The following AOPEP variants were observed in gnomAD, a reference collection of about 807,000 sequenced individuals.
The protein encoded by AOPEP is aminopeptidase O (putative).
AOPEP carries 77 observed loss-of-function variants against 98.1 expected under a neutral mutation model. That is an observed-to-expected ratio of 0.78 (90% confidence interval 0.65 to 0.95). The LOEUF (loss-of-function observed/expected upper bound fraction) is 0.95. AOPEP is among the 40% of genes least tolerant of loss of function. AOPEP has a pLI of 0.00. For synonymous variants in AOPEP, 346 were observed against 365.3 expected, an observed-to-expected ratio of 0.95 and a Z score of 0.60; for missense variants, 1,024 against 1,024.7, an observed-to-expected ratio of 1.00 and a Z score of 0.01.
chr9:95,126,625 C>T, the AOPEP span: 4 of 1,599,264 alleles, frequency 2.5e-6, no homozygotes, highest in South Asian at 1.1e-5. Flanking sequence ...ATCACAAGCA[C>T]TTTCTCAGAA....
intron 13 of AOPEP, among the ~76,000 whole-genome samples, chr9:95,037,110 G>T (rs2064899429): frequency 6.6e-6 from 1 of 152,056 alleles, no homozygotes; most frequent in African/African-American, 2.4e-5. Context: ...AACCCATAGA[G>T]GCTTTTAATT....
chr9:94,829,813 T>C (rs532531526), intron 5 of AOPEP, among the ~76,000 whole-genome samples: 2 of 152,206 alleles, frequency 1.3e-5, no homozygotes, highest in African/African-American at 4.8e-5. Context: ...TGACTCTAGC[T>C]CTCTTGGCAT....
chr9:94,861,243 G>C (rs1196122847), intron 5 of AOPEP, among the ~76,000 whole-genome samples: 1 of 152,216 alleles, frequency 6.6e-6, no homozygotes, highest in East Asian at 1.9e-4. Context: ...GGCAGCAGCA[G>C]CAGCTGCTGT....
chr9:95,065,817 G>A (rs945625752), intron 14 of AOPEP, among the ~76,000 whole-genome samples: 5 of 152,184 alleles, frequency 3.3e-5, no homozygotes, highest in Admixed American at 3.3e-4. Context: ...GCAGGTACAG[G>A]GGTCTGGCTT....
At chr9:95,003,142 ATG>A (rs139797365) in intron 11 of AOPEP, among the ~76,000 whole-genome samples, 10,033 of 149,402 alleles carry the variant, frequency 0.067, 429 homozygotes, top group South Asian at 0.15. Flanking sequence ...AGAATTAAGA[ATG>A]TGTGTGTGTG....
chr9:95,145,966 T>C, the AOPEP span, among the ~76,000 whole-genome samples: 12 of 78,662 alleles, frequency 1.5e-4, no homozygotes, highest in African/African-American at 6.0e-4. Flanking sequence ...CTCTGATTCT[T>C]TATTTTTTTT....
intron 3 of AOPEP, among the ~76,000 whole-genome samples, chr9:94,788,493 T>C (rs1230382084): frequency 6.9e-6 from 1 of 144,018 alleles, no homozygotes; most frequent in African/African-American, 2.6e-5. Context: ...TTATGCTTTG[T>C]TTTTTTTTTT....
At chr9:94,752,615 T>A (rs1836081528) in intron 1 of AOPEP, among the ~76,000 whole-genome samples, 1 of 152,208 alleles carries the variant, frequency 6.6e-6, no homozygotes, top group Admixed American at 6.5e-5. Flanking sequence ...TAAAAGAGTT[T>A]GTTACCCATG....
chr9:95,005,661 C>G, intron 13 of AOPEP, 45 bp downstream of exon 13: 2 of 1,508,502 alleles, frequency 1.3e-6, no homozygotes, highest in Non-Finnish European at 1.8e-6. Context: ...TTGGTAAATC[C>G]GCTTCTGCCC....
intron 14 of AOPEP, among the ~76,000 whole-genome samples, chr9:95,079,343 C>T (rs1477655939): frequency 1.3e-5 from 2 of 152,252 alleles, no homozygotes; most frequent in African/African-American, 4.8e-5. Context: ...ACATTGCTTA[C>T]ATTTAATTAT....
At chr9:95,064,554 G>T (rs1170827585) in intron 14 of AOPEP, among the ~76,000 whole-genome samples, 1 of 152,212 alleles carries the variant, frequency 6.6e-6, no homozygotes, top group African/African-American at 2.4e-5. Context: ...TTCCCAAAGT[G>T]CTGGGATTAC....
chr9:94,965,130 A>T (rs1589105914), intron 9 of AOPEP, among the ~76,000 whole-genome samples: 1 of 152,262 alleles, frequency 6.6e-6, no homozygotes, highest in African/African-American at 2.4e-5. Flanking sequence ...TCACGCACAA[A>T]TAATTCTTTG....
chr9:94,991,403 C>T (rs2060884338), intron 11 of AOPEP, among the ~76,000 whole-genome samples: 1 of 152,230 alleles, frequency 6.6e-6, no homozygotes, highest in Non-Finnish European at 1.5e-5. Flanking sequence ...ACAGATGAGT[C>T]TTAGAGTGCA....
chr9:94,955,205 A>G lies in AOPEP; in HGVS notation c.1690A>G (p.Ser564Gly). 1.2e-6 allele frequency: 2 copies of G among 1,613,260 alleles called. No homozygotes were observed. Among genetic ancestry groups the G allele is most frequent in the Non-Finnish European group, 1.7e-6 (2 of 1,179,744 alleles). ...RPSKDKTGHT[S>G]DSGASVIKHG... Reference sequence around the variant, plus strand: ...CAGTAAAGACAAAACTGGCCACACAAGTGACTCGGGAGCATCTGTTATCAA... The same window carrying G: ...CAGTAAAGACAAAACTGGCCACACAGGTGACTCGGGAGCATCTGTTATCAA... Residue 564 changes from serine to glycine, a missense_variant, in exon 8 of 17, where the codon AGT becomes GGT. Ser to Gly is a moderately conservative substitution (Grantham distance 56). This residue lies in a region of AOPEP where 566 missense variants were observed against 551.7 expected (regional missense o/e 1.03). Transcript: ENST00000375315.
chr9:95,097,298 G>T, the AOPEP span, among the ~76,000 whole-genome samples: 2 of 152,240 alleles, frequency 1.3e-5, no homozygotes, highest in African/African-American at 4.8e-5. Flanking sequence ...GTCTCCATTT[G>T]CCCAGTGTTT....
At chr9:94,730,879 A>G (rs961971227) in intron 1 of AOPEP, among the ~76,000 whole-genome samples, 1 of 152,212 alleles carries the variant, frequency 6.6e-6, no homozygotes, top group Admixed American at 6.5e-5. Flanking sequence ...ATACTATTTT[A>G]TGTACACTGA....
intron 5 of AOPEP, among the ~76,000 whole-genome samples, chr9:94,812,834 G>C (rs1850903231): frequency 6.6e-6 from 1 of 152,138 alleles, no homozygotes; most frequent in Non-Finnish European, 1.5e-5. Context: ...AAAAGCATCA[G>C]TTAGACCTTA....
At chr9:95,138,787 A>G in the AOPEP span, among the ~76,000 whole-genome samples, 5 of 152,198 alleles carry the variant, frequency 3.3e-5, no homozygotes, top group Non-Finnish European at 5.9e-5. Context: ...GAACCAATGA[A>G]GAACCGACCC....
chr9:95,110,891 T>C, the AOPEP span: 12 of 1,266,276 alleles, frequency 9.5e-6, no homozygotes, highest in Middle Eastern at 3.1e-4. Flanking sequence ...TCCAGTCCCA[T>C]ACTTAGCTGC....
Sources: allele counts gnomAD v4.1 joint callset (sites outside exome capture counted in the v4.1 genomes callset), GRCh38; gene constraint gnomAD v4.1.1; regional missense constraint gnomAD v4.1.1; transcripts MANE v1.5; gene names NCBI Gene and HGNC (gene_info 2026-07-23, HGNC 2026-07-21).